TENT4A: variants seen among roughly 807,000 people sequenced by gnomAD.
TENT4A encodes DNA polymerase kappa.
In TENT4A, 7 loss-of-function variants were observed where a neutral mutation model predicts 72.8. That is an observed-to-expected ratio of 0.10 (90% CI 0.05 to 0.18). The LOEUF (loss-of-function observed/expected upper bound fraction) is 0.18. TENT4A is among the 10% of genes least tolerant of loss of function. The probability of loss-of-function intolerance (pLI) is 1.00; values close to 1 mark genes in which losing one functional copy is unlikely to be tolerated. For missense variants in TENT4A, 831 were observed against 1,017.7 expected (o/e 0.82, Z 2.50); for synonymous variants, 456 against 434.3 (o/e 1.05, Z -0.62).
rs1742079859 is a variant in TENT4A, at chr5:6,746,075, T to G, written c.1246-139T>G. Reference sequence around the variant, plus strand: ...TGAAGAGGCTGCTGTTCAGGCTTCCTCGTGGTGCTGGTGAGTGAGCGAGTG... The same window carrying G: ...TGAAGAGGCTGCTGTTCAGGCTTCCGCGTGGTGCTGGTGAGTGAGCGAGTG... On this transcript the variant is annotated intron_variant, in intron 6 of 12. Transcript: ENST00000230859. 37 of 1,514,494 alleles carry G rather than the reference T, an allele frequency of 2.4e-5. No homozygotes were observed. The South Asian group carries it at 4.4e-4, about 18-fold the overall frequency. 93.8% of individuals were successfully genotyped at this position (1,514,494 alleles called of 1,614,324 possible).
At chr5:6,726,131 GC>G (rs1387302927) in intron 1 of TENT4A, among the ~76,000 whole-genome samples, 2 of 152,146 alleles carry the variant, frequency 1.3e-5, no homozygotes. Flanking sequence ...GACCACTGTT[GC>G]ACCGAACCCT....
At chr5:6,723,278 A>T (rs763576326) in intron 1 of TENT4A, among the ~76,000 whole-genome samples, 1 of 134,118 alleles carries the variant, frequency 7.5e-6, no homozygotes, top group African/African-American at 3.1e-5. Flanking sequence ...TATGACCTGG[A>T]GTGTCTCCAG....
At chr5:6,741,398 G>C (rs28363365) in intron 4 of TENT4A, among the ~76,000 whole-genome samples, 1 of 152,132 alleles carries the variant, frequency 6.6e-6, no homozygotes, top group Non-Finnish European at 1.5e-5. Flanking sequence ...GGTTCCTGCC[G>C]TGAGTGAGTG....
At chr5:6,751,967 G>T (rs1742429632) in intron 11 of TENT4A, among the ~76,000 whole-genome samples, 1 of 152,186 alleles carries the variant, frequency 6.6e-6, no homozygotes, top group Non-Finnish European at 1.5e-5. Flanking sequence ...GCTCTGTAAT[G>T]ACCCACAGAG....
intron 1 of TENT4A, among the ~76,000 whole-genome samples, chr5:6,721,885 G>A (rs988429099): frequency 1.3e-5 from 2 of 152,212 alleles, no homozygotes; most frequent in African/African-American, 2.4e-5. Flanking sequence ...CAAGTGCTAG[G>A]ATGTGGGTGT....
chr5:6,741,445 T>G (rs28363367), intron 4 of TENT4A, among the ~76,000 whole-genome samples: 2,663 of 152,258 alleles, frequency 0.017, 35 homozygotes, highest in Non-Finnish European at 0.029. Flanking sequence ...CAGGAGTGAT[T>G]GTGGGAAGGA....
rs112885092 is a variant in TENT4A, at chr5:6,724,665, C to T, written c.716+9966C>T. On this transcript the variant is annotated intron_variant, in intron 1 of 12. Coordinates refer to ENST00000230859, the MANE Select transcript of TENT4A (RefSeq NM_006999.6). The stretch of plus-strand genomic sequence containing the variant: ...TTGCAGACTCGTTGAGTAAAAAGCG[C>T]GTTTTAGGATTGGTTTTAGAATAAA... Among the ~76,000 whole-genome samples, 13 of 152,138 alleles carry T rather than the reference C, an allele frequency of 8.5e-5. 1 individual carries two copies. The highest frequency in any genetic ancestry group is 1.9e-4 in the East Asian group (1 of 5,174).
intron 1 of TENT4A, among the ~76,000 whole-genome samples, chr5:6,725,204 C>T (rs186807215): frequency 1.2e-4 from 19 of 152,204 alleles, no homozygotes; most frequent in African/African-American, 4.6e-4. Flanking sequence ...ACCTGTAGTC[C>T]CAGCTACTTG....
intron 4 of TENT4A, 152 bp from the exon 5 acceptor site, chr5:6,742,338 G>C (rs376676046): frequency 1.0e-5 from 6 of 596,272 alleles, no homozygotes; most frequent in Non-Finnish European, 1.8e-5. Flanking sequence ...GTCGTCCTGG[G>C]TTCAGGGACT....
chr5:6,723,280 T>G (rs1325882588), intron 1 of TENT4A, among the ~76,000 whole-genome samples: 1 of 152,096 alleles, frequency 6.6e-6, no homozygotes, highest in African/African-American at 2.4e-5. Flanking sequence ...TGACCTGGAG[T>G]GTCTCCAGTC....
chr5:6,725,561 C>T (rs1740875858), intron 1 of TENT4A, among the ~76,000 whole-genome samples: 1 of 152,232 alleles, frequency 6.6e-6, no homozygotes, highest in African/African-American at 2.4e-5. Flanking sequence ...GGACCACCTG[C>T]TGTGTGTGCC....
chr5:6,750,677 C>G lies in TENT4A; in HGVS notation c.1860+174C>G, dbSNP rs28381416. On this transcript the variant is annotated intron_variant, in intron 10 of 12. Coordinates refer to ENST00000230859, the MANE Select transcript of TENT4A (RefSeq NM_006999.6). Reference sequence around the variant, plus strand: ...GATGTGGGCACCAGGCTTCCTTTCCCCTGCCGTGAACCTTCAGAACCTGTC... The same window carrying G: ...GATGTGGGCACCAGGCTTCCTTTCCGCTGCCGTGAACCTTCAGAACCTGTC... 3,715 of 599,028 alleles carry G rather than the reference C, an allele frequency of 6.2e-3. 110 individuals are homozygous for G. In the African/African-American group the frequency reaches 0.064, roughly 10 times the overall value. 37.1% of individuals were successfully genotyped at this position (599,028 alleles called of 1,614,324 possible).
In TENT4A at chr5:6,754,924, G is replaced by A; in HGVS notation, c.2358G>A (p.Leu786=). 1 of 1,584,516 alleles carries A rather than the reference G, an allele frequency of 6.3e-7. No individual in the cohort carries two copies. Among genetic ancestry groups the A allele is most frequent in the South Asian group, 1.1e-5 (1 of 89,076 alleles). ...RKKHTHTRDS[L]PVSLSR is the part of the protein sequence containing the mutation. ...AACACACACACACACGGGACAGTCTGCCCGTGAGCCTCAGCAGATAATGGC... is the reference window on the plus strand; with the variant it reads ...AACACACACACACACGGGACAGTCTACCCGTGAGCCTCAGCAGATAATGGC... The change falls in exon 13 of 13, where the codon CTG becomes CTA. Residue 786 remains leucine (L), a synonymous_variant. Transcript: ENST00000230859.
At chr5:6,736,177 G>C (rs922731609) in intron 1 of TENT4A, among the ~76,000 whole-genome samples, 1 of 151,878 alleles carries the variant, frequency 6.6e-6, no homozygotes, top group Non-Finnish European at 1.5e-5. Flanking sequence ...GGAGTCTCTC[G>C]TGTGTGCTTG....
intron 1 of TENT4A, among the ~76,000 whole-genome samples, chr5:6,718,681 C>G (rs904385282): frequency 6.6e-6 from 1 of 152,236 alleles, no homozygotes; most frequent in African/African-American, 2.4e-5. Flanking sequence ...TCCAACACTC[C>G]TTCCATTTAG....
chr5:6,746,748 A>T (rs1742122105), intron 7 of TENT4A, among the ~76,000 whole-genome samples: 1 of 152,256 alleles, frequency 6.6e-6, no homozygotes, highest in Admixed American at 6.5e-5. Flanking sequence ...AAAACCATGG[A>T]TGCCATAATC....
intron 1 of TENT4A, 145 bp downstream of exon 1, chr5:6,714,844 GTT>G: frequency 3.1e-6 from 1 of 322,058 alleles, no homozygotes; most frequent in Non-Finnish European, 5.3e-6. Context: ...TGCACTGAAA[GTT>G]TTTTTTTTAA....
intron 5 of TENT4A, 143 bp from the exon 6 acceptor site, chr5:6,743,569 G>A (rs28381382): frequency 0.024 from 15,466 of 651,108 alleles, 256 homozygotes; most frequent in South Asian, 0.042. Flanking sequence ...CCCAACCAAA[G>A]TTTGAGACTT....
chr5:6,732,924 T>C (rs1221583239), intron 1 of TENT4A, among the ~76,000 whole-genome samples: 2 of 152,192 alleles, frequency 1.3e-5, no homozygotes, highest in African/African-American at 2.4e-5. Context: ...TTATAGATCC[T>C]ACTTCTTTTC....
Sources: allele counts gnomAD v4.1 joint callset (sites outside exome capture counted in the v4.1 genomes callset), GRCh38; gene constraint gnomAD v4.1.1; transcripts MANE v1.5; gene names NCBI Gene and HGNC (gene_info 2026-07-23, HGNC 2026-07-21).